The following TGM6 variants were observed in gnomAD, a reference collection of about 807,000 sequenced individuals.
TGM6 encodes protein-glutamine gamma-glutamyltransferase 6.
Under a neutral mutation model 77.5 loss-of-function variants are expected in TGM6, and 74 were observed. That is an observed-to-expected ratio of 0.96 (90% CI 0.79 to 1.16). TGM6 has a LOEUF of 1.16. Among genes scored for constraint, TGM6 ranks in the 50% most tolerant of loss-of-function variants. The pLI is 0.00. For missense variants in TGM6, 968 were observed against 940.2 expected (o/e 1.03, Z -0.39); for synonymous variants, 383 against 378.9 (o/e 1.01, Z -0.12).
chr20:2,403,851 C>T, intron 9 of TGM6, 28 bp downstream of exon 9: 1 of 1,613,820 alleles, frequency 6.2e-7, no homozygotes. Context: ...GCCTTTATTA[C>T]CTTCCCCCGG....
chr20:2,419,970 C>A (rs1381176106), intron 10 of TGM6, among the ~76,000 whole-genome samples: 3 of 152,118 alleles, frequency 2.0e-5, no homozygotes, highest in African/African-American at 7.2e-5. Context: ...TTGGGCCAGG[C>A]GCAGTGGCTC....
intron 6 of TGM6, 33 bp from the exon 7 acceptor site, chr20:2,400,273 G>T (rs763957467): frequency 2.5e-6 from 4 of 1,613,604 alleles, no homozygotes; most frequent in Admixed American, 3.3e-5. Flanking sequence ...AGGGGCCAGG[G>T]TCCCGCCTGC....
intron 1 of TGM6, among the ~76,000 whole-genome samples, chr20:2,392,874 G>A (rs564665597): frequency 3.3e-5 from 5 of 152,306 alleles, no homozygotes; most frequent in African/African-American, 1.2e-4. Flanking sequence ...CTGCACTCCA[G>A]CCTGGGTGAC....
At chr20:2,396,194 A>C (rs2084665468) in intron 3 of TGM6, among the ~76,000 whole-genome samples, 1 of 151,450 alleles carries the variant, frequency 6.6e-6, no homozygotes, top group East Asian at 1.9e-4. Context: ...AAAAAAAAAA[A>C]AGAAAAGAAA....
At chr20:2,416,358 A>G (rs1217292039) in intron 9 of TGM6, among the ~76,000 whole-genome samples, 1 of 152,234 alleles carries the variant, frequency 6.6e-6, no homozygotes, top group Non-Finnish European at 1.5e-5. Flanking sequence ...AGCCCTTAAA[A>G]TTATGTTCAA....
chr20:2,395,425 C>T lies in TGM6; in HGVS notation c.413C>T (p.Pro138Leu), dbSNP rs778956496. The change falls in exon 3 of 13, where the codon CCA (proline) becomes CTA (leucine). Residue 138 changes from proline (P) to leucine (L), a missense_variant. Coordinates refer to ENST00000202625, the MANE Select transcript of TGM6 (RefSeq NM_198994.3). Reference protein sequence around the residue: ...RLGEFVLLFNPWCAEDDVFLA... With the variant: ...RLGEFVLLFNLWCAEDDVFLA... ...GGCGAGTTTGTTCTCCTTTTCAACC[C>T]ATGGTGTGCAGGTAGGAGTGGCCAA... 3 of 1,614,254 alleles carry T rather than the reference C, an allele frequency of 1.9e-6. No individual in the cohort carries two copies. Among genetic ancestry groups the T allele is most frequent in the Admixed American group, 3.3e-5 (2 of 60,030 alleles).
At chr20:2,381,791 A>G (rs1486031889) in intron 1 of TGM6, among the ~76,000 whole-genome samples, 1 of 152,160 alleles carries the variant, frequency 6.6e-6, no homozygotes, top group Non-Finnish European at 1.5e-5. Context: ...GGTGGGGAAC[A>G]CCCAAAGTCC....
intron 9 of TGM6, 31 bp from the exon 10 acceptor site, chr20:2,417,201 C>A (rs761479620): frequency 1.3e-6 from 2 of 1,557,638 alleles, no homozygotes; most frequent in African/African-American, 1.4e-5. Flanking sequence ...CAAGGGGGTG[C>A]CTGCCGCTGA....
intron 9 of TGM6, among the ~76,000 whole-genome samples, chr20:2,408,075 AG>A: frequency 6.6e-6 from 1 of 152,282 alleles, no homozygotes; most frequent in East Asian, 1.9e-4. Context: ...AGGAGATGAA[AG>A]GTTGAGAAGG....
rs1464494419 is a variant in TGM6 at position 2,431,032 on chromosome 20, G to C, written c.1967+5G>C. On this transcript the variant is annotated splice_donor_5th_base_variant and intron_variant, in intron 12 of 12. Coordinates refer to ENST00000202625, the MANE Select transcript of TGM6 (RefSeq NM_198994.3). ...CCAGGAACAGCTCAGCATCGAGTAA[G>C]TGCCAGCCTGGGGGGCTGGCAGGGA... is the stretch of plus-strand genomic sequence containing the variant. 2 of 1,613,836 alleles carry C rather than the reference G, an allele frequency of 1.2e-6. No homozygotes were observed. The highest frequency in any genetic ancestry group is 1.1e-5 in the South Asian group (1 of 91,068).
intron 10 of TGM6, among the ~76,000 whole-genome samples, chr20:2,428,694 C>CAATA (rs35384370): frequency 0.22 from 33,833 of 151,724 alleles, 3,947 homozygotes; most frequent in South Asian, 0.3. Context: ...CATAATAAAT[C>CAATA]AATCAATAAA....
chr20:2,398,741 C>T (rs183981000), intron 5 of TGM6, among the ~76,000 whole-genome samples: 20 of 152,188 alleles, frequency 1.3e-4, no homozygotes, highest in Non-Finnish European at 2.8e-4. Flanking sequence ...GGGACATAGA[C>T]CCACCTCTCC....
Position 2,406,860 on chromosome 20 carries a change from A to AAAAAAAC in TGM6, c.1336+3038_1336+3044dup, listed in dbSNP as rs1568662623. On this transcript the variant is annotated intron_variant, in intron 9 of 12. Transcript: ENST00000202625. ...AAAAAAAAAAAAAAAAAAAAAAAAA[A>AAAAAAAC]AAAAAACCATGGCCACAGGAGAAAT... is the stretch of plus-strand genomic sequence containing the variant. Among the ~76,000 whole-genome samples, 4 of 133,992 alleles carry AAAAAAAC rather than the reference A, an allele frequency of 3.0e-5. 1 individual carries two copies. Among genetic ancestry groups the AAAAAAAC allele is most frequent in the African/African-American group, 5.7e-5 (2 of 34,832 alleles). 87.9% of individuals were successfully genotyped at this position (133,992 alleles called of 152,430 possible).
chr20:2,423,778 G>A (rs2084871223), intron 10 of TGM6, among the ~76,000 whole-genome samples: 1 of 152,196 alleles, frequency 6.6e-6, no homozygotes, highest in Non-Finnish European at 1.5e-5. Context: ...ATCTATGGCA[G>A]CTATGGCTTT....
At chr20:2,400,684 C>T (rs1371384967) in intron 7 of TGM6, among the ~76,000 whole-genome samples, 1 of 135,904 alleles carries the variant, frequency 7.4e-6, no homozygotes, top group Non-Finnish European at 1.6e-5. Flanking sequence ...ATTTGATTGC[C>T]TTGAACGCCC....
intron 9 of TGM6, among the ~76,000 whole-genome samples, chr20:2,405,612 A>G (rs2084744968): frequency 6.6e-6 from 1 of 152,210 alleles, no homozygotes; most frequent in Non-Finnish European, 1.5e-5. Flanking sequence ...CTGAGGACAG[A>G]TGGTGGCTCC....
At chr20:2,426,844 C>T (rs1390952193) in intron 10 of TGM6, among the ~76,000 whole-genome samples, 1 of 152,072 alleles carries the variant, frequency 6.6e-6, no homozygotes, top group Non-Finnish European at 1.5e-5. Context: ...CCTTACATGC[C>T]TAGAATAAAT....
At chr20:2,427,379 G>A (rs368988675) in intron 10 of TGM6, among the ~76,000 whole-genome samples, 10 of 152,036 alleles carry the variant, frequency 6.6e-5, no homozygotes, top group Non-Finnish European at 1.5e-4. Context: ...GGAATCTGTA[G>A]AGATGTCCTC....
Position 2,394,567 on chromosome 20 carries a change from G to T in TGM6, c.123G>T (p.Thr41=). 1 of 1,612,308 alleles carries T rather than the reference G, an allele frequency of 6.2e-7. No individual in the cohort carries two copies. The highest frequency in any genetic ancestry group is 8.5e-7 in the Non-Finnish European group (1 of 1,179,834). The change falls in exon 2 of 13, where the codon ACG becomes ACT. Residue 41 remains threonine (T), a synonymous_variant. Coordinates refer to ENST00000202625, the MANE Select transcript of TGM6 (RefSeq NM_198994.3). ...GCAGGGGCCAGTCGTTCAGCCTCACGCTGGAGCTGAGCAGAGCCCTGGACT... is the reference window on the plus strand; with the variant it reads ...GCAGGGGCCAGTCGTTCAGCCTCACTCTGGAGCTGAGCAGAGCCCTGGACT... ...VVRRGQSFSL[T]LELSRALDCE...
Sources: gnomAD v4.1 joint callset for allele counts (sites outside exome capture counted in the v4.1 genomes callset) on GRCh38, gnomAD v4.1.1 for gene constraint, MANE v1.5 for transcripts, NCBI Gene and HGNC (gene_info 2026-07-23, HGNC 2026-07-21) for gene names.